TEK: variants seen among roughly 807,000 people sequenced by gnomAD.
TEK encodes angiopoietin-1 receptor.
TEK carries 43 observed loss-of-function variants against 131.8 expected under a neutral mutation model. The ratio of observed to expected loss-of-function variants is 0.33; its 90% CI spans 0.26 to 0.42. TEK has a LOEUF of 0.42. Ranked by LOEUF, TEK falls within the 10% of genes least tolerant of loss-of-function variation. TEK has a pLI of 1.00. For synonymous variants in TEK, 580 were observed against 491.6 expected (o/e 1.18, Z -2.38); for missense variants, 1,162 against 1,384.4 (o/e 0.84, Z 2.55).
chr9:27,142,477 T>TG (rs1822762639), intron 1 of TEK, among the ~76,000 whole-genome samples: 1 of 152,150 alleles, frequency 6.6e-6, no homozygotes, highest in Non-Finnish European at 1.5e-5. Flanking sequence ...AAAACGGAAA[T>TG]GGGGACTTCC....
chr9:27,158,184 G>T, intron 2 of TEK, 42 bp downstream of exon 2: 1 of 1,610,562 alleles, frequency 6.2e-7, no homozygotes, highest in South Asian at 1.1e-5. Context: ...GCCCACTGAG[G>T]AACACACACA....
intron 9 of TEK, among the ~76,000 whole-genome samples, chr9:27,187,358 A>G (rs1824636649): frequency 6.6e-6 from 1 of 152,244 alleles, no homozygotes; most frequent in Non-Finnish European, 1.5e-5. Flanking sequence ...ACACCAGTGT[A>G]CAGATTGATA....
At chr9:27,124,754 C>T (rs1324894694) in intron 1 of TEK, among the ~76,000 whole-genome samples, 2 of 152,174 alleles carry the variant, frequency 1.3e-5, no homozygotes, top group African/African-American at 4.8e-5. Context: ...GCAAGTAATT[C>T]AGGTAGTTCT....
Position 27,190,683 on chromosome 9 carries a change from T to C in TEK, c.1482T>C (p.His494=). The change falls in exon 10 of 23, where the codon CAT becomes CAC. Residue 494 remains histidine, a synonymous_variant. Coordinates refer to ENST00000380036, the MANE Select transcript of TEK (RefSeq NM_000459.5). The stretch of plus-strand genomic sequence containing the variant: ...TTAATCACTATGAGGCTTGGCAACA[T>C]ATTCAAGGTAAGCTTTGGACAGGAT... The part of the protein sequence containing the change: ...KPVNHYEAWQ[H]IQVTNEIVTL... 6.2e-7 allele frequency: 1 copy of C among 1,613,928 alleles called. No homozygotes were observed. Among genetic ancestry groups the C allele is most frequent in the Non-Finnish European group, 8.5e-7 (1 of 1,179,844 alleles).
chr9:27,220,279 C>T (rs1351671939), intron 21 of TEK, 134 bp downstream of exon 21: 3 of 752,412 alleles, frequency 4.0e-6, no homozygotes, highest in Non-Finnish European at 7.0e-6. Flanking sequence ...CAAATAGGAA[C>T]CCCTCCCCTT....
intron 1 of TEK, among the ~76,000 whole-genome samples, chr9:27,131,771 C>T (rs1418883629): frequency 6.6e-6 from 1 of 151,544 alleles, no homozygotes; most frequent in African/African-American, 2.4e-5. Flanking sequence ...TGCACCACTG[C>T]ACTCCCGACT....
chr9:27,223,233 C>G (rs909522225), intron 21 of TEK, among the ~76,000 whole-genome samples: 3 of 152,100 alleles, frequency 2.0e-5, no homozygotes, highest in African/African-American at 7.2e-5. Context: ...AGAAGATTAA[C>G]AAGGATATTC....
In TEK at chr9:27,173,287, T is replaced by C; in HGVS notation, c.826T>C (p.Ser276Pro). The C allele has an allele frequency of 1.2e-6, 2 of 1,614,068 alleles. No individual in the cohort carries two copies. The highest frequency in any genetic ancestry group is 1.7e-6 in the Non-Finnish European group (2 of 1,179,960). Reference sequence around the variant, plus strand: ...GTGCAGTGGACAAGAGGGATGCAAGTCTTATGTGTTCTGTCTCCCTGACCC... The same window carrying C: ...GTGCAGTGGACAAGAGGGATGCAAGCCTTATGTGTTCTGTCTCCCTGACCC... ...ERCSGQEGCK[S>P]YVFCLPDPYG... is the part of the protein sequence containing the mutation. The change falls in exon 6 of 23, where the codon TCT becomes CCT. Residue 276 changes from serine (S) to proline (P), a missense_variant. Coordinates refer to ENST00000380036, the MANE Select transcript of TEK (RefSeq NM_000459.5).
chr9:27,135,072 A>G (rs953855603), intron 1 of TEK, among the ~76,000 whole-genome samples: 1 of 151,120 alleles, frequency 6.6e-6, no homozygotes, highest in South Asian at 2.1e-4. Context: ...TAAAAATACA[A>G]AAATTAGCTG....
rs537809311 is a variant in TEK at position 27,222,036 on chromosome 9, AGAACGTAAATGACCTGAT to A, written c.3200+1893_3200+1910del. ...GCAACTAGAATAACCAGTTTAGAGA[AGAACGTAAATGACCTGAT>A]GGAGCTAAAAATCACAGCACGAATA... On this transcript the variant is annotated intron_variant, in intron 21 of 22. Coordinates refer to ENST00000380036, the MANE Select transcript of TEK (RefSeq NM_000459.5). Among the ~76,000 whole-genome samples the A allele has an allele frequency of 1.8e-4, 27 of 152,376 alleles. 1 individual carries two copies. The South Asian group carries it at 5.6e-3, about 32-fold the overall frequency.
chr9:27,178,074 C>A (rs1824236285), intron 6 of TEK, among the ~76,000 whole-genome samples: 1 of 152,064 alleles, frequency 6.6e-6, no homozygotes, highest in African/African-American at 2.4e-5. Flanking sequence ...CGTCTGTTTT[C>A]TTCTAGTAGT....
At chr9:27,141,692 G>A (rs1239179889) in intron 1 of TEK, among the ~76,000 whole-genome samples, 1 of 152,074 alleles carries the variant, frequency 6.6e-6, no homozygotes, top group Non-Finnish European at 1.5e-5. Flanking sequence ...TCTTTAGTGG[G>A]AAGTTGGAAG....
At position 27,137,067 on chromosome 9, in the gene TEK, T is replaced by C. The variant is rs995077655; in HGVS notation, c.53-20764T>C. ...AGTAGCTGGGACTATAGGCGCCTGC[T>C]GCCACGCCTGGCTAATTTTTTTGTA... On this transcript the variant is annotated intron_variant, in intron 1 of 22. Transcript: ENST00000380036. Among the ~76,000 whole-genome samples the C allele has an allele frequency of 3.9e-5, 6 of 152,208 alleles. No individual in the cohort carries two copies. The South Asian group carries it at 1.2e-3, about 32-fold the overall frequency.
chr9:27,168,578 G>A lies in TEK; in HGVS notation c.448G>A (p.Glu150Lys), dbSNP rs753021890. ...ATCTTTCAAAAAGGTATTGATTAAA[G>A]AAGAAGATGCAGTGATTTACAAAAA... ...NISFKKVLIK[E>K]EDAVIYKNGS... Residue 150 changes from glutamate (E) to lysine (K), a missense_variant, in exon 3 of 23, where the codon GAA (glutamate) becomes AAA (lysine). Physicochemically the swap from Glu to Lys is moderately conservative, Grantham distance 56. Coordinates refer to ENST00000380036, the MANE Select transcript of TEK (RefSeq NM_000459.5). The A allele has an allele frequency of 2.5e-6, 4 of 1,613,350 alleles. No homozygotes were observed. The Admixed American group carries it at 6.7e-5, about 27-fold the overall frequency.
rs1245468494 is a variant in TEK at position 27,212,758 on chromosome 9, T to TC, written c.2740dup (p.Leu914ProfsTer18). On this transcript the variant is annotated frameshift_variant, in exon 17 of 23. Coordinates refer to ENST00000380036, the MANE Select transcript of TEK (RefSeq NM_000459.5). LOFTEE classifies it high-confidence loss of function. ...GCGCCCCATGGAAACCTTCTGGACTTCCTTCGCAAGAGCCGTGTGCTGGAG... is the reference window on the plus strand; with the variant it reads ...GCGCCCCATGGAAACCTTCTGGACTTCCCTTCGCAAGAGCCGTGTGCTGGAG... 1 of 1,614,144 alleles carries TC rather than the reference T, an allele frequency of 6.2e-7. No homozygotes were observed. Among genetic ancestry groups the TC allele is most frequent in the Non-Finnish European group, 8.5e-7 (1 of 1,180,010 alleles).
Position 27,206,669 on chromosome 9 carries a change from G to T in TEK, c.2452G>T (p.Val818Leu). 1.2e-6 allele frequency: 2 copies of T among 1,614,014 alleles called. No homozygotes were observed. Among genetic ancestry groups the T allele is most frequent in the South Asian group, 2.2e-5 (2 of 91,062 alleles). ...KNNPDPTIYP[V>L]LDWNDIKFQD... ...CAACCCAGATCCTACAATTTATCCA[G>T]TGCTTGACTGGAATGACATCAAATT... Residue 818 changes from valine to leucine, a missense_variant, in exon 15 of 23, where the codon GTG becomes TTG. Physicochemically the swap from Val to Leu is conservative, Grantham distance 32. Around this residue, in one of 6 missense-constraint regions of TEK, gnomAD observed 477 missense variants for 471.0 expected, o/e 1.01. Transcript: ENST00000380036.
intron 12 of TEK, among the ~76,000 whole-genome samples, chr9:27,202,146 G>C (rs951133812): frequency 3.9e-5 from 6 of 152,132 alleles, no homozygotes; most frequent in Admixed American, 1.3e-4. Flanking sequence ...AAACCTCAAG[G>C]CATCTCTTTC....
In TEK at chr9:27,209,107, G is replaced by T. The variant is rs1170078090; in HGVS notation, c.2576-14G>T. ...GTAACAAAGAAGAATCACAACCCTT[G>T]ACTTTCTTCCCAGAATATGCCTCCA... On this transcript the variant is annotated splice_polypyrimidine_tract_variant and intron_variant, in intron 15 of 22. Coordinates refer to ENST00000380036, the MANE Select transcript of TEK (RefSeq NM_000459.5). The T allele has an allele frequency of 1.9e-6, 3 of 1,591,246 alleles. No homozygotes were observed. In the East Asian group the frequency reaches 6.7e-5, roughly 36 times the overall value.
At chr9:27,197,220 T>C in intron 11 of TEK, 95 bp from the exon 12 acceptor site, 1 of 1,396,654 alleles carries the variant, frequency 7.2e-7, no homozygotes, top group Non-Finnish European at 1.0e-6. Context: ...CCTCCAACAC[T>C]GGGGATTACA....
Sources: allele counts gnomAD v4.1 joint callset (sites outside exome capture counted in the v4.1 genomes callset), GRCh38; gene constraint gnomAD v4.1.1; regional missense constraint gnomAD v4.1.1; transcripts MANE v1.5; gene names NCBI Gene and HGNC (gene_info 2026-07-23, HGNC 2026-07-21).